The following VPS9D1 variants were observed in gnomAD, a reference collection of about 807,000 sequenced individuals.
VPS9D1 encodes the protein VPS9 domain-containing protein 1.
VPS9D1 carries 78 observed loss-of-function variants against 75.8 expected under a neutral mutation model. The ratio of observed to expected loss-of-function variants is 1.03; its 90% confidence interval spans 0.86 to 1.24. The LOEUF (loss-of-function observed/expected upper bound fraction) is 1.24, where lower values mean the gene tolerates loss of function less well. VPS9D1 is among the 50% of genes most tolerant of loss of function. The pLI is 0.00. For missense variants in VPS9D1, 1,057 were observed against 847.7 expected (o/e 1.25, Z -3.07); for synonymous variants, 481 against 385.6 (o/e 1.25, Z -2.90).
In VPS9D1 at chr16:89,714,552, C is replaced by G. The variant is rs548236056; in HGVS notation, c.432-1836G>C. On this transcript the variant is annotated intron_variant, in intron 4 of 14. Transcript: ENST00000389386. ...ACGCCTGGCCACCCTGCCCTGAAGC[C>G]ACATTGCAGAAACAAGGGGACTGGG... Among the ~76,000 whole-genome samples, 3 of 152,316 alleles carry G rather than the reference C, an allele frequency of 2.0e-5. No individual in the cohort carries two copies. In the South Asian group the frequency reaches 6.2e-4, roughly 32 times the overall value.
intron 6 of VPS9D1, 175 bp downstream of exon 6, chr16:89,712,285 G>T: frequency 7.6e-7 from 1 of 1,311,460 alleles, no homozygotes; most frequent in Non-Finnish European, 1.0e-6. Flanking sequence ...CAGAGAACAT[G>T]GGGGACGGCG....
Position 89,720,821 on chromosome 16 carries a change from T to A in VPS9D1, c.41A>T (p.Gln14Leu). 1 of 1,450,734 alleles carries A rather than the reference T, an allele frequency of 6.9e-7. No individual in the cohort carries two copies. Among genetic ancestry groups the A allele is most frequent in the Non-Finnish European group, 9.1e-7 (1 of 1,097,388 alleles). 89.9% of individuals were successfully genotyped at this position (1,450,734 alleles called of 1,614,324 possible). Residue 14 changes from glutamine (Q) to leucine (L), a missense_variant, in exon 1 of 15, where the codon CAG becomes CTG. By Grantham distance (113) the Gln-to-Leu change is moderately radical. Coordinates refer to ENST00000389386, the MANE Select transcript of VPS9D1 (RefSeq NM_004913.3). ...CCCGTTGGCAAGCTTCATGGCGCTC[T>A]GCAGCGGCTTCACCGTGCCGTCCCC... ...AAGDGTVKPL[Q>L]SAMKLANGAI... is the part of the protein sequence containing the mutation.
At chr16:89,713,113 T>C (rs2060976609) in intron 4 of VPS9D1, 1 of 155,548 alleles carries the variant, frequency 6.4e-6, no homozygotes, top group Non-Finnish European at 1.4e-5. Context: ...CGGGAGGTGA[T>C]GCAGTGAGCC....
intron 2 of VPS9D1, among the ~76,000 whole-genome samples, chr16:89,717,134 G>A (rs377697706): frequency 2.0e-5 from 1 of 50,192 alleles, no homozygotes; most frequent in South Asian, 8.3e-4. Flanking sequence ...CACTGACCCC[G>A]GGCAAGCCGA....
chr16:89,717,986 G>A lies in VPS9D1; in HGVS notation c.175+1041C>T, dbSNP rs1374184364. 1.3e-5 allele frequency: 6 copies of A among 450,838 alleles called. No individual in the cohort carries two copies. The East Asian group carries it at 3.6e-4, about 27-fold the overall frequency. The allele number at this position is 450,838 out of a possible 1,614,324, so 27.9% of individuals were successfully genotyped here. On this transcript the variant is annotated intron_variant, in intron 2 of 14. Transcript: ENST00000389386. ...CCCGACCTCTGTGCTCCCACGTCCA[G>A]TGGCTCCCCCGACCTCTGTGCTCCC...
At chr16:89,710,551 C>G in intron 10 of VPS9D1, 35 bp downstream of exon 10, 1 of 1,555,152 alleles carries the variant, frequency 6.4e-7, no homozygotes, top group Non-Finnish European at 8.7e-7. Context: ...GGGTGAAGAG[C>G]TGCGGCGGCT....
In VPS9D1 at chr16:89,707,509, C is replaced by G. The variant is rs2060821379; in HGVS notation, c.*352G>C. 9.8e-6 allele frequency: 2 copies of G among 204,386 alleles called. No homozygotes were observed. The highest frequency in any genetic ancestry group is 2.1e-4 in the South Asian group (2 of 9,718). 12.7% of individuals were successfully genotyped at this position (204,386 alleles called of 1,614,324 possible). On this transcript the variant is annotated 3_prime_UTR_variant, in exon 15 of 15. Transcript: ENST00000389386. ...ATGGCCCCCTCTTCCCTGATGCTCC[C>G]CAGGAGCTGCCCCAGCCAGATGTTC... is the stretch of plus-strand genomic sequence containing the variant.
Position 89,710,572 on chromosome 16 carries a change from G to C in VPS9D1, c.1258+14C>G. 6.3e-7 allele frequency: 1 copy of C among 1,577,414 alleles called. No homozygotes were observed. The highest frequency in any genetic ancestry group is 1.1e-5 in the South Asian group (1 of 88,608). On this transcript the variant is annotated intron_variant, in intron 10 of 14. Coordinates refer to ENST00000389386, the MANE Select transcript of VPS9D1 (RefSeq NM_004913.3). ...AGAGCTGCGGCGGCTCTCCCAGGGA[G>C]GGCCTGGCCTCACCTACGGCATTGT...
intron 13 of VPS9D1, 89 bp from the exon 14 acceptor site, chr16:89,708,620 GGCC>G (rs2060843266): frequency 1.4e-6 from 2 of 1,388,094 alleles, no homozygotes; most frequent in East Asian, 4.9e-5. Flanking sequence ...TGGCCGTGCT[GGCC>G]GCCATCTCTG....
intron 4 of VPS9D1, among the ~76,000 whole-genome samples, chr16:89,713,543 C>G (rs1020477874): frequency 1.3e-5 from 2 of 151,930 alleles, no homozygotes; most frequent in Non-Finnish European, 1.5e-5. Flanking sequence ...CGTGAGCTAC[C>G]GCGCCCGGCC....
rs774673246 is a variant in VPS9D1 at position 89,716,554 on chromosome 16, A to G, written c.339T>C (p.Arg113=). The change falls in exon 4 of 15, where the codon CGT becomes CGC. Residue 113 remains arginine, a synonymous_variant. Transcript: ENST00000389386. ...GCTTTCCTCCTTCATCGGAGTATACACGGCGGTGTCGGCCGGCAGGCTGGG... is the reference window on the plus strand; with the variant it reads ...GCTTTCCTCCTTCATCGGAGTATACGCGGCGGTGTCGGCCGGCAGGCTGGG... ...PIPQPAGRHR[R]VYSDEGGKLS... 1.9e-5 allele frequency: 31 copies of G among 1,613,990 alleles called. No individual in the cohort carries two copies. The highest frequency in any genetic ancestry group is 2.5e-5 in the Non-Finnish European group (30 of 1,179,974).
At chr16:89,711,189 C>T in intron 9 of VPS9D1, 138 bp downstream of exon 9, 3 of 1,172,266 alleles carry the variant, frequency 2.6e-6, no homozygotes, top group Non-Finnish European at 1.2e-6. Context: ...ACGCCCTCAG[C>T]GCAAAGGGAG....
chr16:89,708,461 C>T lies in VPS9D1; in HGVS notation c.1768G>A (p.Glu590Lys). The T allele has an allele frequency of 6.2e-7, 1 of 1,612,972 alleles. No homozygotes were observed. Among genetic ancestry groups the T allele is most frequent in the Non-Finnish European group, 8.5e-7 (1 of 1,179,880 alleles). ...LRSGLPQLVS[E>K]CAALEEFIHE... is the part of the protein sequence containing the mutation. ...ATGAACTCCTCCAGGGCCGCGCACT[C>T]CGACACCAGCTGAGGGAGGCCGCTC... The change falls in exon 14 of 15, where the codon GAG (glutamate) becomes AAG (lysine). Residue 590 changes from glutamate to lysine, a missense_variant. Transcript: ENST00000389386.
In VPS9D1 at chr16:89,709,417, C is replaced by T; in HGVS notation, c.1407G>A (p.Arg469=). 1 of 1,517,222 alleles carries T rather than the reference C, an allele frequency of 6.6e-7. No homozygotes were observed. The highest frequency in any genetic ancestry group is 8.8e-7 in the Non-Finnish European group (1 of 1,140,316). 94.0% of individuals were successfully genotyped at this position (1,517,222 alleles called of 1,614,324 possible). A position where few individuals can be genotyped will look rare whatever the true frequency, so the allele number is the denominator to read the frequency against. ...LALYRSVHRA[R]EAALSRSMEL... ...CCATGCTCCTGCTCAGGGCAGCCTC[C>T]CGGGCTCGGTGCACGCTCCTGGGGC... The change falls in exon 12 of 15, where the codon CGG becomes CGA. Residue 469 remains arginine, a synonymous_variant. Transcript: ENST00000389386.
intron 9 of VPS9D1, 129 bp from the exon 10 acceptor site, chr16:89,711,139 G>T (rs965048232): frequency 1.3e-5 from 16 of 1,216,614 alleles, no homozygotes; most frequent in Non-Finnish European, 1.7e-5. Flanking sequence ...TGGAAAGTCT[G>T]CCCCCCGCCC....
intron 1 of VPS9D1, 105 bp downstream of exon 1, chr16:89,720,658 C>G: frequency 8.1e-7 from 1 of 1,239,064 alleles, no homozygotes; most frequent in Non-Finnish European, 1.0e-6. Context: ...CTGGCGCCCG[C>G]TCCCAAGTCT....
intron 2 of VPS9D1, chr16:89,718,244 C>T (rs757615753): frequency 8.1e-6 from 3 of 370,106 alleles, no homozygotes; most frequent in Admixed American, 3.4e-5. Context: ...GGACGCACCC[C>T]GAGGCCGTTT....
chr16:89,720,417 C>T, intron 1 of VPS9D1: 1 of 1,021,564 alleles, frequency 9.8e-7, no homozygotes, highest in African/African-American at 1.7e-5. Context: ...CCATCTCTGC[C>T]CAGAAAAATG....
At position 89,709,214 on chromosome 16, in the gene VPS9D1, C is replaced by A. The variant is rs368872112; in HGVS notation, c.1597+13G>T. ...GGAGCCTGTCCCTCCCCCTGACTCT[C>A]GAACCTGCTGACCTATGCACTCCAG... On this transcript the variant is annotated intron_variant, in intron 12 of 14. Coordinates refer to ENST00000389386, the MANE Select transcript of VPS9D1 (RefSeq NM_004913.3). 49 of 1,611,846 alleles carry A rather than the reference C, an allele frequency of 3.0e-5. 1 individual carries two copies. In the East Asian group the frequency reaches 7.8e-4, roughly 26 times the overall value.
Sources: allele counts gnomAD v4.1 joint callset (sites outside exome capture counted in the v4.1 genomes callset), GRCh38; gene constraint gnomAD v4.1.1; transcripts MANE v1.5; gene names NCBI Gene and HGNC (gene_info 2026-07-23, HGNC 2026-07-21).